NNMT: variants seen among roughly 807,000 people sequenced by gnomAD.
NNMT encodes the protein nicotinamide N-methyltransferase.
NNMT carries 10 observed loss-of-function variants against 11.7 expected under a neutral mutation model. The observed-to-expected ratio is 0.85, with a 90% CI of 0.53 to 1.45. The LOEUF (loss-of-function observed/expected upper bound fraction) is 1.45, where lower values mean the gene tolerates loss of function less well. Among genes scored for constraint, NNMT ranks in the 40% most tolerant of loss-of-function variants. NNMT has a pLI of 0.00. For synonymous variants in NNMT, 143 were observed against 133.8 expected (o/e 1.07, Z -0.48); for missense variants, 381 against 319.4 (o/e 1.19, Z -1.47).
intron 2 of NNMT, among the ~76,000 whole-genome samples, chr11:114,281,943 T>A (rs1271340697): frequency 1.3e-5 from 2 of 152,094 alleles, no homozygotes; most frequent in African/African-American, 4.8e-5. Flanking sequence ...ATGAGGAAAT[T>A]GACAAAGGAA....
chr11:114,297,728 C>T lies in NNMT; in HGVS notation c.155-223C>T, dbSNP rs149045389. Reference sequence around the variant, plus strand: ...TCTCATCCTCCAGGCCTCAAGTGATCCTCCTGCCTTGGCCTTCCAGAGTAT... The same window carrying T: ...TCTCATCCTCCAGGCCTCAAGTGATTCTCCTGCCTTGGCCTTCCAGAGTAT... On this transcript the variant is annotated intron_variant, in intron 1 of 2. Transcript: ENST00000299964. Among the ~76,000 whole-genome samples, 1,005 of 152,282 alleles carry T rather than the reference C, an allele frequency of 6.6e-3. 11 individuals carry two copies. The highest frequency in any genetic ancestry group is 0.023 in the African/African-American group (968 of 41,540).
chr11:114,268,768 C>T (rs1367026868), intron 2 of NNMT, among the ~76,000 whole-genome samples: 1 of 69,648 alleles, frequency 1.4e-5, no homozygotes, highest in Non-Finnish European at 2.9e-5. Context: ...GACTCCGTCT[C>T]AAAAAAAAAA....
chr11:114,280,588 C>T (rs768813969), intron 2 of NNMT, among the ~76,000 whole-genome samples: 4 of 152,136 alleles, frequency 2.6e-5, no homozygotes, highest in Non-Finnish European at 4.4e-5. Context: ...GGTACTCAGA[C>T]CTTCAGGGGA....
chr11:114,278,652 T>C (rs917462115), intron 2 of NNMT, among the ~76,000 whole-genome samples: 3 of 151,886 alleles, frequency 2.0e-5, no homozygotes, highest in Non-Finnish European at 4.4e-5. Flanking sequence ...TATGTGTGCA[T>C]ATGTGAGTGT....
chr11:114,299,461 A>C (rs991786859), intron 2 of NNMT, among the ~76,000 whole-genome samples: 3 of 152,352 alleles, frequency 2.0e-5, no homozygotes, highest in African/African-American at 7.2e-5. Flanking sequence ...GTCATGAAGT[A>C]TAATTGAGCT....
At chr11:114,294,208 C>T (rs1945354357), upstream of NNMT, among the ~76,000 whole-genome samples, 1 of 151,946 alleles carries the variant, frequency 6.6e-6, no homozygotes, top group South Asian at 2.1e-4. Flanking sequence ...AGAGGCCAGG[C>T]GCAGTGGCTC....
At chr11:114,281,726 A>G (rs1945264864) in intron 2 of NNMT, among the ~76,000 whole-genome samples, 1 of 152,170 alleles carries the variant, frequency 6.6e-6, no homozygotes, top group African/African-American at 2.4e-5. Context: ...GCCAGTTGAA[A>G]GGGCTTCTTG....
At chr11:114,263,559 G>C (rs1438128208) in intron 2 of NNMT, among the ~76,000 whole-genome samples, 1 of 152,150 alleles carries the variant, frequency 6.6e-6, no homozygotes, top group Non-Finnish European at 1.5e-5. Context: ...CAAAATCATG[G>C]CCACTTTATA....
chr11:114,280,145 CT>C (rs529677660), intron 2 of NNMT, among the ~76,000 whole-genome samples: 124 of 152,220 alleles, frequency 8.1e-4, no homozygotes, highest in African/African-American at 2.9e-3. Context: ...GGGCCCTGCT[CT>C]CATTCTAGTT....
At position 114,296,631 on chromosome 11, in the gene NNMT, C is replaced by T; in HGVS notation, c.75C>T (p.Tyr25=). 2 of 1,614,128 alleles carry T rather than the reference C, an allele frequency of 1.2e-6. No individual in the cohort carries two copies. Among genetic ancestry groups the T allele is most frequent in the East Asian group, 2.2e-5 (1 of 44,878 alleles). The change falls in exon 1 of 3, where the codon TAC becomes TAT. Residue 25 remains tyrosine, a synonymous_variant. Transcript: ENST00000299964. ...FNPRDYLEKY[Y]KFGSRHSAES... ...CTCGGGATTACCTAGAAAAATATTA[C>T]AAGTTTGGTTCTAGGCACTCTGCAG...
chr11:114,270,344 C>G (rs918846814), intron 2 of NNMT: 11 of 152,290 alleles, frequency 7.2e-5, no homozygotes, highest in Admixed American at 3.9e-4. Flanking sequence ...GAAACCTGTG[C>G]CCTTTCCCTG....
chr11:114,277,342 A>G (rs1317172474), intron 2 of NNMT, among the ~76,000 whole-genome samples: 1 of 152,214 alleles, frequency 6.6e-6, no homozygotes, highest in Non-Finnish European at 1.5e-5. Flanking sequence ...TTAGTAAATA[A>G]TTATGTGTGT....
At chr11:114,287,205 CTCTT>C (rs1945306146) in intron 2 of NNMT, among the ~76,000 whole-genome samples, 1 of 152,268 alleles carries the variant, frequency 6.6e-6, no homozygotes, top group East Asian at 1.9e-4. Flanking sequence ...TCTCTTCACT[CTCTT>C]AAAGTGTCTT....
At chr11:114,292,540 C>T (rs1945342545), upstream of NNMT, among the ~76,000 whole-genome samples, 1 of 152,106 alleles carries the variant, frequency 6.6e-6, no homozygotes, top group African/African-American at 2.4e-5. Flanking sequence ...AAATTCTTTA[C>T]CAGCAGACCG....
upstream of NNMT, among the ~76,000 whole-genome samples, chr11:114,293,011 A>C (rs991277405): frequency 6.6e-6 from 1 of 152,220 alleles, no homozygotes. Context: ...TACTCACCAA[A>C]ACTGAGGCTT....
Position 114,280,652 on chromosome 11 carries a change from A to T in NNMT, c.-129-15776A>T, listed in dbSNP as rs138857132. 4.6e-5 allele frequency among the ~76,000 whole-genome samples: 7 copies of T among 152,278 alleles called. No homozygotes were observed. In the East Asian group the frequency reaches 1.2e-3, roughly 25 times the overall value. On this transcript the variant is annotated intron_variant, in intron 2 of 4. Transcript: ENST00000535401. ...TCCATTCTTGGGGACAAGGCAGGTC[A>T]TCCTGCTGAATGTGTGTCTCTGCGA... is the stretch of plus-strand genomic sequence containing the variant.
rs142431659 is a variant in NNMT, at chr11:114,289,099, T to C, written c.-129-7329T>C. ...TTCCATTTAAATTCTTTAATGGTTA[T>C]AAGGCAATTCAGATTTTATATGTGT... On this transcript the variant is annotated intron_variant, in intron 2 of 4. Coordinates refer to the NNMT transcript ENST00000535401. Among the ~76,000 whole-genome samples the C allele has an allele frequency of 1.7e-3, 256 of 152,362 alleles. 2 individuals carry two copies. Among genetic ancestry groups the C allele is most frequent in the African/African-American group, 5.9e-3 (246 of 41,592 alleles).
chr11:114,287,380 A>T (rs1039433212), intron 2 of NNMT, among the ~76,000 whole-genome samples: 1 of 152,128 alleles, frequency 6.6e-6, no homozygotes, highest in Non-Finnish European at 1.5e-5. Flanking sequence ...TTTGCCCTTC[A>T]TATTTAGTTT....
chr11:114,259,188 TGAAA>T (rs888756363), intron 1 of NNMT, among the ~76,000 whole-genome samples: 2 of 151,884 alleles, frequency 1.3e-5, no homozygotes, highest in African/African-American at 2.4e-5. Flanking sequence ...TATAAATAGA[TGAAA>T]GAAAGAGAGG....
Sources: allele counts gnomAD v4.1 joint callset (sites outside exome capture counted in the v4.1 genomes callset), GRCh38; gene constraint gnomAD v4.1.1; transcripts MANE v1.5; gene names NCBI Gene and HGNC (gene_info 2026-07-23, HGNC 2026-07-21).